NIPSNAP1: variants seen among roughly 807,000 people sequenced by gnomAD.
NIPSNAP1 encodes protein NipSnap homolog 1.
A neutral mutation model predicts 49.2 loss-of-function variants in NIPSNAP1; 25 were observed. The ratio of observed to expected loss-of-function variants is 0.51; its 90% CI spans 0.37 to 0.71. The LOEUF is 0.71. Ranked by LOEUF, NIPSNAP1 falls within the 30% of genes least tolerant of loss-of-function variation. NIPSNAP1 has a pLI of 0.00. For missense variants in NIPSNAP1, 294 were observed against 361.0 expected (o/e 0.81, Z 1.50); for synonymous variants, 143 against 140.7 (o/e 1.02, Z -0.12).
Position 29,555,685 on chromosome 22 carries a change from C to A in NIPSNAP1, c.*250G>T. ...AAATGAAGGCCTAAAAGATCACTAT[C>A]TTTCATTCAGGGAAATCAGAAACTA... On this transcript the variant is annotated 3_prime_UTR_variant, in exon 10 of 10. Transcript: ENST00000216121. The A allele has an allele frequency of 1.9e-6, 1 of 533,280 alleles. No individual in the cohort carries two copies. The highest frequency in any genetic ancestry group is 3.4e-6 in the Non-Finnish European group (1 of 293,444). 33.0% of individuals were successfully genotyped at this position (533,280 alleles called of 1,614,324 possible).
chr22:29,555,844 A>G lies in NIPSNAP1; in HGVS notation c.*91T>C. On this transcript the variant is annotated 3_prime_UTR_variant, in exon 10 of 10. Coordinates refer to ENST00000216121, the MANE Select transcript of NIPSNAP1 (RefSeq NM_003634.4). ...TGCCCCTCAGAGTCCTCCCAGAGCC[A>G]AGACAAAACCAAGACAGCAGGACCA... 8.0e-7 allele frequency: 1 copy of G among 1,242,490 alleles called. No homozygotes were observed. The highest frequency in any genetic ancestry group is 1.2e-6 in the Non-Finnish European group (1 of 865,166). The allele number at this position is 1,242,490 out of a possible 1,614,324, so 77.0% of individuals were successfully genotyped here.
intron 8 of NIPSNAP1, among the ~76,000 whole-genome samples, chr22:29,560,052 G>T: frequency 6.6e-6 from 1 of 151,950 alleles, no homozygotes; most frequent in Non-Finnish European, 1.5e-5. Flanking sequence ...AACCCCGAAG[G>T]CCTTTCCCCA....
Position 29,570,186 on chromosome 22 carries a change from T to C in NIPSNAP1, c.248A>G (p.Tyr83Cys). 6.2e-7 allele frequency: 1 copy of C among 1,613,942 alleles called. No individual in the cohort carries two copies. Among genetic ancestry groups the C allele is most frequent in the Non-Finnish European group, 8.5e-7 (1 of 1,180,002 alleles). Residue 83 changes from tyrosine (Y) to cysteine (C), a missense_variant, in exon 3 of 10, where the codon TAC becomes TGC. Around this residue, in one of 4 missense-constraint regions of NIPSNAP1, gnomAD observed 55 missense variants for 46.2 expected, o/e 1.19. Coordinates refer to ENST00000216121, the MANE Select transcript of NIPSNAP1 (RefSeq NM_003634.4). ...KIQFHNVKPE[Y>C]LDAYNSLTEA... ...CGTGAGGCTGTTGTAGGCATCCAGGTATTCAGGCTTTACATTGTGAACTGC... is the reference window on the plus strand; with the variant it reads ...CGTGAGGCTGTTGTAGGCATCCAGGCATTCAGGCTTTACATTGTGAACTGC...
intron 9 of NIPSNAP1, among the ~76,000 whole-genome samples, chr22:29,558,277 T>C (rs1339091755): frequency 6.6e-6 from 1 of 151,758 alleles, no homozygotes; most frequent in African/African-American, 2.4e-5. Context: ...CGAGACCAGC[T>C]TGGCCAACAT....
chr22:29,580,166 AGAGAAAAAT>A, intron 1 of NIPSNAP1: 1 of 1,304,088 alleles, frequency 7.7e-7, no homozygotes, highest in Non-Finnish European at 1.0e-6. Flanking sequence ...CTGGGGAAAC[AGAGAAAAAT>A]GAGATCATGG....
chr22:29,572,709 G>C (rs2064418983), intron 1 of NIPSNAP1, among the ~76,000 whole-genome samples: 1 of 151,970 alleles, frequency 6.6e-6, no homozygotes, highest in African/African-American at 2.4e-5. Context: ...TGAGGTGGTA[G>C]GATCACTTGA....
chr22:29,557,886 G>A (rs111842866), intron 9 of NIPSNAP1, among the ~76,000 whole-genome samples: 14 of 152,148 alleles, frequency 9.2e-5, no homozygotes, highest in African/African-American at 2.4e-4. Flanking sequence ...CACAGTTCCC[G>A]GCACACAGTG....
chr22:29,560,212 CTA>C (rs1287949179), intron 8 of NIPSNAP1, among the ~76,000 whole-genome samples: 1 of 150,862 alleles, frequency 6.6e-6, no homozygotes, highest in Non-Finnish European at 1.5e-5. Context: ...TGTAGATCCC[CTA>C]TGTTTTTCAC....
At chr22:29,563,870 G>T (rs1212287924) in intron 4 of NIPSNAP1, among the ~76,000 whole-genome samples, 1 of 152,156 alleles carries the variant, frequency 6.6e-6, no homozygotes. Flanking sequence ...CCAGAAACTG[G>T]AAGAGGCAAG....
intron 1 of NIPSNAP1, chr22:29,580,309 C>G (rs1759505669): frequency 1.0e-6 from 1 of 978,546 alleles, no homozygotes; most frequent in Non-Finnish European, 1.2e-6. Flanking sequence ...GTCAGGGAGG[C>G]CAAGCCCTAG....
At chr22:29,577,953 C>T (rs529833344) in intron 1 of NIPSNAP1, among the ~76,000 whole-genome samples, 79 of 144,958 alleles carry the variant, frequency 5.4e-4, no homozygotes, top group Non-Finnish European at 9.2e-4. Context: ...GGCTGGAGTG[C>T]ACTGGTGCGA....
In NIPSNAP1 at chr22:29,566,644, G is replaced by A. The variant is rs915381970; in HGVS notation, c.367+2549C>T. Among the ~76,000 whole-genome samples, 6 of 151,998 alleles carry A rather than the reference G, an allele frequency of 3.9e-5. No individual in the cohort carries two copies. In the South Asian group the frequency reaches 8.3e-4, roughly 21 times the overall value. ...TCAAGACCAGCCTGGGCAACATAGC[G>A]AAACCCTGTCTCTACTAAAAATATA... On this transcript the variant is annotated intron_variant, in intron 4 of 9. Coordinates refer to ENST00000216121, the MANE Select transcript of NIPSNAP1 (RefSeq NM_003634.4).
chr22:29,574,861 C>G (rs529404205), intron 1 of NIPSNAP1, among the ~76,000 whole-genome samples: 60 of 151,560 alleles, frequency 4.0e-4, no homozygotes, highest in African/African-American at 1.4e-3. Context: ...AAGGGAGGCT[C>G]TAAGCCAGGG....
chr22:29,560,754 T>C lies in NIPSNAP1; in HGVS notation c.686A>G (p.Tyr229Cys), dbSNP rs1243361717. ...CCTACCCCAGAGATGGTGCACCACG[T>C]AGAGCTCTCCTATCTGTGAGAAGAA... ...GGFFSQIGEL[Y>C]VVHHLWAYKD... is the part of the protein sequence containing the mutation. The change falls in exon 8 of 10, where the codon TAC (tyrosine) becomes TGC (cysteine). Residue 229 changes from tyrosine (Y) to cysteine (C), a missense_variant. Around this residue, in one of 4 missense-constraint regions of NIPSNAP1, gnomAD observed 146 missense variants for 219.9 expected, o/e 0.66. Coordinates refer to ENST00000216121, the MANE Select transcript of NIPSNAP1 (RefSeq NM_003634.4). 6.2e-7 allele frequency: 1 copy of C among 1,614,080 alleles called. No individual in the cohort carries two copies. The highest frequency in any genetic ancestry group is 2.2e-5 in the East Asian group (1 of 44,874).
chr22:29,574,704 G>A (rs185783366), intron 1 of NIPSNAP1, among the ~76,000 whole-genome samples: 60 of 151,428 alleles, frequency 4.0e-4, no homozygotes, highest in African/African-American at 1.4e-3. Flanking sequence ...ACTTGAACCC[G>A]GGAGGCGGAG....
intron 2 of NIPSNAP1, 50 bp from the exon 3 acceptor site, chr22:29,570,257 G>A: frequency 6.2e-7 from 1 of 1,607,776 alleles, no homozygotes; most frequent in Non-Finnish European, 8.5e-7. Flanking sequence ...TGTACACAGG[G>A]AAGAACTTGG....
intron 1 of NIPSNAP1, among the ~76,000 whole-genome samples, chr22:29,579,386 T>C (rs1378954455): frequency 7.1e-6 from 1 of 141,310 alleles, no homozygotes; most frequent in African/African-American, 2.7e-5. Flanking sequence ...AAGCTCCGCC[T>C]CCTGGGTTCA....
At position 29,560,725 on chromosome 22, in the gene NIPSNAP1, T is replaced by C. The variant is rs748768164; in HGVS notation, c.706+9A>G. The C allele has an allele frequency of 1.2e-6, 2 of 1,613,244 alleles. No homozygotes were observed. The highest frequency in any genetic ancestry group is 4.5e-5 in the East Asian group (2 of 44,872). On this transcript the variant is annotated intron_variant, in intron 8 of 9. Coordinates refer to ENST00000216121, the MANE Select transcript of NIPSNAP1 (RefSeq NM_003634.4). ...CTAACAAAAGGCTCCTGGAAGGTCC[T>C]CAACCTACCCCAGAGATGGTGCACC...
chr22:29,558,624 C>A (rs141009151), intron 9 of NIPSNAP1, among the ~76,000 whole-genome samples: 1 of 152,252 alleles, frequency 6.6e-6, no homozygotes, highest in Non-Finnish European at 1.5e-5. Flanking sequence ...TCACAATGGG[C>A]GTTTGCTAAT....
Sources: gnomAD v4.1 joint callset for allele counts (sites outside exome capture counted in the v4.1 genomes callset) on GRCh38, gnomAD v4.1.1 for gene constraint, gnomAD v4.1.1 regional missense constraint, MANE v1.5 for transcripts, NCBI Gene and HGNC (gene_info 2026-07-23, HGNC 2026-07-21) for gene names.